KIFAP3: variants seen among roughly 807,000 people sequenced by gnomAD.
KIFAP3 encodes the protein kinesin-associated protein 3.
KIFAP3 carries 68 observed loss-of-function variants against 106.5 expected under a neutral mutation model. The ratio of observed to expected loss-of-function variants is 0.64; its 90% CI spans 0.53 to 0.78. KIFAP3 has a LOEUF of 0.78. Ranked by LOEUF, KIFAP3 falls within the 30% of genes least tolerant of loss-of-function variation. The pLI is 0.00. For missense variants in KIFAP3, 780 were observed against 941.8 expected, an observed-to-expected ratio of 0.83 and a Z score of 2.25; for synonymous variants, 320 against 311.5, an observed-to-expected ratio of 1.03 and a Z score of -0.29.
At chr1:170,065,809 T>C (rs144882374) in intron 1 of KIFAP3, among the ~76,000 whole-genome samples, 1 of 152,176 alleles carries the variant, frequency 6.6e-6, no homozygotes, top group African/African-American at 2.4e-5. Flanking sequence ...AAAGTGTTCA[T>C]TAGCCATACA....
At chr1:170,035,861 C>A (rs1669664391) in intron 5 of KIFAP3, among the ~76,000 whole-genome samples, 2 of 151,814 alleles carry the variant, frequency 1.3e-5, no homozygotes, top group East Asian at 1.9e-4. Context: ...AATTTAATAA[C>A]CTTAAATTAA....
intron 1 of KIFAP3, among the ~76,000 whole-genome samples, chr1:170,084,604 T>C (rs1032145662): frequency 6.6e-6 from 1 of 152,106 alleles, no homozygotes; most frequent in Non-Finnish European, 1.5e-5. Flanking sequence ...CTGAATAAAA[T>C]TTTGCTTAGC....
intron 19 of KIFAP3, among the ~76,000 whole-genome samples, chr1:169,950,781 A>G (rs767471203): frequency 1.1e-4 from 16 of 152,040 alleles, no homozygotes; most frequent in Non-Finnish European, 1.8e-4. Context: ...TTGAATGACT[A>G]TTATTTAGTT....
At chr1:170,004,437 T>C (rs1054807419) in intron 10 of KIFAP3, among the ~76,000 whole-genome samples, 8 of 151,630 alleles carry the variant, frequency 5.3e-5, no homozygotes, top group African/African-American at 1.2e-4. Context: ...GGAGGCATCA[T>C]GCTACCTGAC....
At position 170,065,924 on chromosome 1, in the gene KIFAP3, T is replaced by TA. The variant is rs148245022; in HGVS notation, c.32+8511dup. Among the ~76,000 whole-genome samples, 658 of 152,316 alleles carry TA rather than the reference T, an allele frequency of 4.3e-3. 21 individuals carry two copies. In the South Asian group the frequency reaches 0.078, roughly 18 times the overall value. On this transcript the variant is annotated intron_variant, in intron 1 of 19. Transcript: ENST00000361580. ...GGATCATTTAATGCAATGACTGACA[T>TA]ACTTAGATTCAGATCTATCACTTCA...
At chr1:169,964,413 A>C (rs1665496420) in intron 17 of KIFAP3, among the ~76,000 whole-genome samples, 4 of 152,160 alleles carry the variant, frequency 2.6e-5, no homozygotes, top group Admixed American at 2.6e-4. Context: ...ACAGAGGATA[A>C]ATGAACATTT....
At chr1:170,042,564 A>G (rs1557858875) in intron 3 of KIFAP3, among the ~76,000 whole-genome samples, 2 of 152,208 alleles carry the variant, frequency 1.3e-5, no homozygotes. Context: ...CTTTCTTTCC[A>G]GAAATAATCT....
In KIFAP3 at chr1:169,961,128, C is replaced by T. The variant is rs1438767741; in HGVS notation, c.2091G>A (p.Gln697=). ...CAATTCGATCATCACCATACAAGTACTGCTCACTCTCATCCATCTGACGAC... is the reference window on the plus strand; with the variant it reads ...CAATTCGATCATCACCATACAAGTATTGCTCACTCTCATCCATCTGACGAC... The part of the protein sequence containing the change: ...VESRQMDESE[Q]YLYGDDRIEP... Residue 697 remains glutamine, a synonymous_variant, in exon 18 of 20, where the codon CAG becomes CAA. Transcript: ENST00000361580. 2.5e-6 allele frequency: 4 copies of T among 1,613,638 alleles called. No individual in the cohort carries two copies. The highest frequency in any genetic ancestry group is 3.4e-6 in the Non-Finnish European group (4 of 1,179,760).
At chr1:169,957,981 A>G (rs922882945) in intron 18 of KIFAP3, 4 of 152,186 alleles carry the variant, frequency 2.6e-5, no homozygotes, top group Non-Finnish European at 5.9e-5. Context: ...CCCAGGTTGG[A>G]GTGCAGTGGC....
In KIFAP3 at chr1:169,957,461, A is replaced by C. The variant is rs79558382; in HGVS notation, c.2174-3351T>G. On this transcript the variant is annotated intron_variant, in intron 18 of 19. Coordinates refer to ENST00000361580, the MANE Select transcript of KIFAP3 (RefSeq NM_014970.4). ...CTAGAACAGTGATGAAACCAAAGCAAATTTGTTGTCAACACAGGTAATTTA... is the reference window on the plus strand; with the variant it reads ...CTAGAACAGTGATGAAACCAAAGCACATTTGTTGTCAACACAGGTAATTTA... Among the ~76,000 whole-genome samples, 1,097 of 152,260 alleles carry C rather than the reference A, an allele frequency of 7.2e-3. 10 individuals are homozygous for C. The highest frequency in any genetic ancestry group is 0.025 in the African/African-American group (1,052 of 41,562).
intron 18 of KIFAP3, among the ~76,000 whole-genome samples, chr1:169,957,529 TA>T (rs1665087242): frequency 6.6e-6 from 1 of 152,196 alleles, no homozygotes; most frequent in Non-Finnish European, 1.5e-5. Flanking sequence ...AAAACTGGCT[TA>T]TAAACATTGT....
intron 10 of KIFAP3, among the ~76,000 whole-genome samples, chr1:170,000,483 C>T (rs1204764278): frequency 6.6e-6 from 1 of 152,044 alleles, no homozygotes; most frequent in African/African-American, 2.4e-5. Context: ...GTGAGAGCCC[C>T]TAAAGTTCTA....
intron 2 of KIFAP3, among the ~76,000 whole-genome samples, chr1:170,049,645 G>A (rs1670470238): frequency 6.6e-6 from 1 of 152,222 alleles, no homozygotes; most frequent in Non-Finnish European, 1.5e-5. Flanking sequence ...GAAGGAGCAG[G>A]CAGTAATCTT....
chr1:169,975,642 C>A (rs1177652346), intron 16 of KIFAP3, among the ~76,000 whole-genome samples: 1 of 151,672 alleles, frequency 6.6e-6, no homozygotes, highest in Non-Finnish European at 1.5e-5. Flanking sequence ...AGAGACAGAG[C>A]CTCGTTCTGT....
At chr1:170,026,661 C>T (rs1541160) in intron 8 of KIFAP3, among the ~76,000 whole-genome samples, 116,012 of 152,100 alleles carry the variant, frequency 0.76, 44,687 homozygotes, top group East Asian at 0.99. Flanking sequence ...CCCTCAAATA[C>T]TGAGTTGAGT....
intron 1 of KIFAP3, among the ~76,000 whole-genome samples, chr1:170,059,252 T>C (rs1247738910): frequency 2.0e-5 from 3 of 152,048 alleles, no homozygotes; most frequent in Non-Finnish European, 4.4e-5. Context: ...ACAAAACTGA[T>C]AGACTGCTAG....
chr1:169,987,682 T>C (rs1558222402), intron 11 of KIFAP3, among the ~76,000 whole-genome samples: 2 of 152,194 alleles, frequency 1.3e-5, no homozygotes, highest in East Asian at 3.9e-4. Flanking sequence ...GGGGGCCATA[T>C]AGGACAACTG....
intron 18 of KIFAP3, 73 bp downstream of exon 18, chr1:169,960,973 T>C: frequency 2.7e-6 from 3 of 1,107,684 alleles, no homozygotes. Context: ...AGCTTGGGAA[T>C]GTGCAAGGCT....
intron 19 of KIFAP3, among the ~76,000 whole-genome samples, chr1:169,949,711 C>T (rs1664633137): frequency 6.6e-6 from 1 of 152,110 alleles, no homozygotes; most frequent in East Asian, 1.9e-4. Flanking sequence ...TTTCTAACAC[C>T]AGTTCAGATT....
Sources: gnomAD v4.1 joint callset for allele counts (sites outside exome capture counted in the v4.1 genomes callset) on GRCh38, gnomAD v4.1.1 for gene constraint, MANE v1.5 for transcripts, NCBI Gene and HGNC (gene_info 2026-07-23, HGNC 2026-07-21) for gene names.